FHIT: variants seen among roughly 807,000 people sequenced by gnomAD.
FHIT encodes bis(5'-adenosyl)-triphosphatase.
FHIT carries 19 observed loss-of-function variants against 17.9 expected under a neutral mutation model. The observed-to-expected ratio is 1.06, with a 90% CI of 0.74 to 1.56. FHIT has a LOEUF of 1.56. FHIT is among the 40% of genes most tolerant of loss of function. The probability of loss-of-function intolerance (pLI) is 0.00; values close to 1 mark genes in which losing one functional copy is unlikely to be tolerated. For missense variants in FHIT, 248 were observed against 189.2 expected (o/e 1.31, Z -1.82); for synonymous variants, 81 against 69.7 (o/e 1.16, Z -0.81).
intron 5 of FHIT, among the ~76,000 whole-genome samples, chr3:60,321,070 G>A (rs905488482): frequency 6.6e-6 from 1 of 152,172 alleles, no homozygotes; most frequent in Non-Finnish European, 1.5e-5. Flanking sequence ...CCGAAAACAT[G>A]CTTGTTTCTC....
At chr3:59,927,599 C>T (rs1705735077) in intron 7 of FHIT, among the ~76,000 whole-genome samples, 1 of 152,040 alleles carries the variant, frequency 6.6e-6, no homozygotes, top group African/African-American at 2.4e-5. Flanking sequence ...AACCCCGTCT[C>T]TACTAAAAAT....
At chr3:61,105,108 G>C (rs140475765) in intron 2 of FHIT, among the ~76,000 whole-genome samples, 1 of 152,148 alleles carries the variant, frequency 6.6e-6, no homozygotes, top group Non-Finnish European at 1.5e-5. Flanking sequence ...CCTTACTGGA[G>C]AAGTGATGTG....
intron 3 of FHIT, among the ~76,000 whole-genome samples, chr3:61,026,334 T>C (rs1239274730): frequency 6.6e-6 from 1 of 152,152 alleles, no homozygotes; most frequent in East Asian, 1.9e-4. Context: ...CTCTGACCAG[T>C]GTACCTCCAA....
At chr3:60,238,092 G>A (rs1227654194) in intron 5 of FHIT, among the ~76,000 whole-genome samples, 1 of 145,820 alleles carries the variant, frequency 6.9e-6, no homozygotes, top group Non-Finnish European at 1.5e-5. Context: ...GTGGCAGTGA[G>A]CCGAGATTGT....
intron 3 of FHIT, among the ~76,000 whole-genome samples, chr3:60,924,054 G>C (rs192538753): frequency 3.9e-5 from 6 of 152,268 alleles, no homozygotes; most frequent in Non-Finnish European, 8.8e-5. Context: ...TAAACAAAGC[G>C]GCCTGGAAGC....
At chr3:60,912,743 A>G (rs1553766224) in intron 3 of FHIT, 2 of 516,518 alleles carry the variant, frequency 3.9e-6, no homozygotes, top group Admixed American at 3.9e-5. Flanking sequence ...GTTCCCCCAT[A>G]TATTTACCTT....
At chr3:60,710,088 A>C (rs1458568227) in intron 4 of FHIT, among the ~76,000 whole-genome samples, 2 of 151,950 alleles carry the variant, frequency 1.3e-5, no homozygotes, top group African/African-American at 2.4e-5. Context: ...AAAAAAAAAA[A>C]AAAAAAACTC....
intron 7 of FHIT, among the ~76,000 whole-genome samples, chr3:59,925,972 A>G (rs891180074): frequency 5.3e-5 from 8 of 152,270 alleles, no homozygotes; most frequent in African/African-American, 1.9e-4. Flanking sequence ...TACTGCTTTC[A>G]TATTAAGCTG....
chr3:59,831,573 G>T (rs961028063), intron 8 of FHIT, among the ~76,000 whole-genome samples: 3 of 152,112 alleles, frequency 2.0e-5, no homozygotes, highest in Admixed American at 2.0e-4. Flanking sequence ...TTTATTAGTT[G>T]TCCTTATAAT....
chr3:60,588,577 C>T (rs182188539), intron 4 of FHIT, among the ~76,000 whole-genome samples: 54 of 152,116 alleles, frequency 3.5e-4, no homozygotes, highest in Admixed American at 2.0e-3. Context: ...CACTCCAGAC[C>T]AACTGATTCA....
At chr3:59,948,054 G>C (rs1383526162) in intron 7 of FHIT, among the ~76,000 whole-genome samples, 1 of 152,096 alleles carries the variant, frequency 6.6e-6, no homozygotes, top group Non-Finnish European at 1.5e-5. Context: ...ACCTGCTGAA[G>C]AACCTTTTGA....
intron 5 of FHIT, among the ~76,000 whole-genome samples, chr3:60,458,160 C>A (rs1158829985): frequency 2.6e-5 from 4 of 152,154 alleles, no homozygotes; most frequent in South Asian, 2.1e-4. Context: ...ACTACTCACA[C>A]TAGCAAAGAC....
At chr3:60,440,955 G>C (rs1211081316) in intron 5 of FHIT, among the ~76,000 whole-genome samples, 1 of 152,066 alleles carries the variant, frequency 6.6e-6, no homozygotes, top group African/African-American at 2.4e-5. Context: ...TTACAACCCA[G>C]CAAGAGAAAT....
At chr3:60,493,827 C>T (rs911383480) in intron 5 of FHIT, among the ~76,000 whole-genome samples, 3 of 152,098 alleles carry the variant, frequency 2.0e-5, no homozygotes, top group African/African-American at 7.2e-5. Context: ...ATTAGATTCT[C>T]ATTTAAGAGC....
At chr3:60,290,098 T>C (rs1707912845) in intron 5 of FHIT, among the ~76,000 whole-genome samples, 1 of 152,186 alleles carries the variant, frequency 6.6e-6, no homozygotes, top group Admixed American at 6.5e-5. Context: ...AAAGCCAACT[T>C]TTTAACCTCT....
intron 7 of FHIT, among the ~76,000 whole-genome samples, chr3:59,952,874 G>C (rs1707191033): frequency 6.6e-6 from 1 of 152,096 alleles, no homozygotes; most frequent in Non-Finnish European, 1.5e-5. Context: ...ACAGCTGTGT[G>C]GGACGGCAGC....
In FHIT at chr3:60,596,280, T is replaced by C. The variant is rs138448843; in HGVS notation, c.-17-59301A>G. ...CTTAGAGAATTCCTCTCCAAGGTCA[T>C]TCGAGCCCAAACCTCATGCCCTTCT... On this transcript the variant is annotated intron_variant, in intron 4 of 9. Transcript: ENST00000492590. Among the ~76,000 whole-genome samples, 44 of 152,242 alleles carry C rather than the reference T, an allele frequency of 2.9e-4. No individual in the cohort carries two copies. The East Asian group carries it at 8.1e-3, about 28-fold the overall frequency.
intron 3 of FHIT, among the ~76,000 whole-genome samples, chr3:60,992,980 CAA>C (rs751525869): frequency 6.6e-5 from 10 of 152,198 alleles, no homozygotes; most frequent in Non-Finnish European, 1.2e-4. Context: ...ACCCACAATG[CAA>C]AGTCATTAAG....
At chr3:60,839,706 C>T (rs1248119036) in intron 3 of FHIT, among the ~76,000 whole-genome samples, 2 of 152,100 alleles carry the variant, frequency 1.3e-5, no homozygotes, top group Non-Finnish European at 2.9e-5. Context: ...CTCCCTCTCC[C>T]GTTTATTATG....
Sources: allele counts gnomAD v4.1 joint callset (sites outside exome capture counted in the v4.1 genomes callset), GRCh38; gene constraint gnomAD v4.1.1; transcripts MANE v1.5; gene names NCBI Gene and HGNC (gene_info 2026-07-23, HGNC 2026-07-21).